Variants in ARAP1 observed in about 807,000 individuals in gnomAD.
ARAP1 encodes the protein ArfGAP with RhoGAP domain, ankyrin repeat and PH domain 1.
In ARAP1, 76 loss-of-function variants were observed where a neutral mutation model predicts 172.2. The observed-to-expected ratio is 0.44, with a 90% confidence interval of 0.37 to 0.53. The LOEUF is 0.53. Ranked by LOEUF, ARAP1 falls within the 20% of genes least tolerant of loss-of-function variation. ARAP1 has a pLI of 0.00. For synonymous variants in ARAP1, 804 were observed against 803.3 expected, an observed-to-expected ratio of 1.00 and a Z score of -0.01; for missense variants, 1,686 against 1,977.5, an observed-to-expected ratio of 0.85 and a Z score of 2.80.
rs59700555 is a variant in ARAP1, at chr11:72,736,238, C to T, written c.-127-3641G>A. Among the ~76,000 whole-genome samples the T allele has an allele frequency of 7.2e-3, 973 of 135,144 alleles. 16 individuals carry two copies. The highest frequency in any genetic ancestry group is 0.026 in the African/African-American group (924 of 35,140). The allele number at this position is 135,144 out of a possible 152,430, so 88.7% of individuals were successfully genotyped here. On this transcript the variant is annotated intron_variant, in intron 1 of 34. Transcript: ENST00000393609. ...AGTTATTGCTTTTACATTTTAGTTA[C>T]CTTTTTTTTTTTTTTTTTGAGACAG...
chr11:72,718,475 T>C (rs954674138), intron 3 of ARAP1, among the ~76,000 whole-genome samples: 1 of 151,980 alleles, frequency 6.6e-6, no homozygotes, highest in African/African-American at 2.4e-5. Flanking sequence ...CATCCTCCTC[T>C]GCCCTCTCCC....
intron 1 of ARAP1, among the ~76,000 whole-genome samples, chr11:72,737,795 T>C (rs1466893397): frequency 6.6e-6 from 1 of 152,136 alleles, no homozygotes; most frequent in Non-Finnish European, 1.5e-5. Context: ...GGCTAATATT[T>C]GTACTTTTTG....
chr11:72,715,544 G>C (rs536553344), intron 3 of ARAP1, among the ~76,000 whole-genome samples: 3 of 151,676 alleles, frequency 2.0e-5, no homozygotes, highest in Middle Eastern at 3.2e-3. Context: ...TTCTCTGCCT[G>C]GGAATATCCA....
intron 1 of ARAP1, among the ~76,000 whole-genome samples, chr11:72,739,524 G>A (rs1858138794): frequency 6.6e-6 from 1 of 152,162 alleles, no homozygotes; most frequent in South Asian, 2.1e-4. Flanking sequence ...TCCCCACCCA[G>A]TATGCAAGGC....
intron 3 of ARAP1, among the ~76,000 whole-genome samples, chr11:72,716,537 T>C (rs913723773): frequency 6.6e-6 from 1 of 152,268 alleles, no homozygotes. Flanking sequence ...AGATTCTATA[T>C]CTGGTAGAGA....
chr11:72,690,142 A>T (rs1021100835), intron 30 of ARAP1, among the ~76,000 whole-genome samples: 10 of 152,160 alleles, frequency 6.6e-5, no homozygotes, highest in Non-Finnish European at 1.5e-4. Context: ...GTTTGGAAGA[A>T]GTCAGGCTGT....
chr11:72,686,300 C>A (rs1282270820), intron 33 of ARAP1, 109 bp from the exon 34 acceptor site: 1 of 1,398,900 alleles, frequency 7.1e-7, no homozygotes, highest in Non-Finnish European at 9.6e-7. Context: ...TCTGAGATGA[C>A]ACCCTCAGCT....
intron 1 of ARAP1, among the ~76,000 whole-genome samples, chr11:72,737,286 C>G (rs575655996): frequency 2.6e-4 from 39 of 152,190 alleles, no homozygotes; most frequent in Admixed American, 2.6e-4. Flanking sequence ...AGGTAAGGGT[C>G]GCCTGGAATC....
chr11:72,714,114 A>G (rs1032517508), intron 4 of ARAP1, 38 bp downstream of exon 4: 14 of 1,421,008 alleles, frequency 9.9e-6, no homozygotes, highest in Non-Finnish European at 1.1e-5. Context: ...ATCCCAGGCC[A>G]TCCACCCAGA....
chr11:72,686,107 G>T lies in ARAP1; in HGVS notation c.4270C>A (p.Pro1424Thr). ...EVRLGSVSLI[P>T]LRGSENEMRR... ...ATTTCATTTTCACTACCTCGAAGGG[G>T]GATCAGTGACACACTACCCAGCCGG... The change falls in exon 34 of 35, where the codon CCC becomes ACC. Residue 1424 changes from proline (P) to threonine (T), a missense_variant. Physicochemically the swap from Pro to Thr is conservative, Grantham distance 38. This residue lies in a region of ARAP1 where 379 missense variants were observed against 500.1 expected (regional missense o/e 0.76). Transcript: ENST00000393609. 6.2e-7 allele frequency: 1 copy of T among 1,614,064 alleles called. No individual in the cohort carries two copies. Among genetic ancestry groups the T allele is most frequent in the Non-Finnish European group, 8.5e-7 (1 of 1,180,026 alleles).
intron 3 of ARAP1, among the ~76,000 whole-genome samples, chr11:72,724,434 C>T (rs1393356384): frequency 6.6e-6 from 1 of 152,148 alleles, no homozygotes; most frequent in East Asian, 1.9e-4. Context: ...TGTGATGGGA[C>T]TCCCACAAGG....
Position 72,686,045 on chromosome 11 carries a change from C to T in ARAP1, c.4332G>A (p.Leu1444=), listed in dbSNP as rs533911432. The T allele has an allele frequency of 3.7e-6, 6 of 1,614,068 alleles. No homozygotes were observed. In the African/African-American group the frequency reaches 8.0e-5, roughly 22 times the overall value. Residue 1444 remains leucine, a synonymous_variant, in exon 34 of 35, where the codon CTG becomes CTA. Transcript: ENST00000393609. Reference sequence around the variant, plus strand: ...AAAGGCATGGAGAGCCACTCACAGACAGAGGGTCCGCGGTGAAGGCAGCCA... The same window carrying T: ...AAAGGCATGGAGAGCCACTCACAGATAGAGGGTCCGCGGTGAAGGCAGCCA... ...RSVAAFTADP[L]SLLRNV is the part of the protein sequence containing the mutation.
chr11:72,688,784 C>T (rs956798286), intron 30 of ARAP1: 8 of 460,914 alleles, frequency 1.7e-5, no homozygotes, highest in Admixed American at 1.5e-4. Flanking sequence ...CCTCAGTCTC[C>T]GAGGCAGCCG....
rs1413322066 is a variant in ARAP1 at position 72,687,459 on chromosome 11, C to T, written c.4165G>A (p.Ala1389Thr). 8 of 1,614,044 alleles carry T rather than the reference C, an allele frequency of 5.0e-6. No individual in the cohort carries two copies. Among genetic ancestry groups the T allele is most frequent in the Non-Finnish European group, 6.8e-6 (8 of 1,180,032 alleles). The change falls in exon 33 of 35, where the codon GCT (alanine) becomes ACT (threonine). Residue 1389 changes from alanine to threonine, a missense_variant. Physicochemically the swap from Ala to Thr is moderately conservative, Grantham distance 58. Around this residue, in one of 5 missense-constraint regions of ARAP1, gnomAD observed 379 missense variants for 500.1 expected, o/e 0.76. Transcript: ENST00000393609. ...GGTACCTGCACAAACAGAAAGGTAG[C>T]GAACCACTCCCGGAGCTCCATCTGT... ...DTQMELREWF[A>T]TFLFVQHDGL...
intron 31 of ARAP1, among the ~76,000 whole-genome samples, chr11:72,687,971 G>C (rs1855762813): frequency 6.6e-6 from 1 of 150,868 alleles, no homozygotes; most frequent in Non-Finnish European, 1.5e-5. Flanking sequence ...CAGTAGGAAT[G>C]GGGTGACACC....
intron 1 of ARAP1, among the ~76,000 whole-genome samples, 155 bp downstream of exon 1, chr11:72,752,173 A>AC (rs531123724): frequency 4.0e-5 from 6 of 151,768 alleles, no homozygotes; most frequent in East Asian, 1.9e-4. Context: ...TCAAGAGGCG[A>AC]CCCCCCCATC....
Position 72,699,616 on chromosome 11 carries a change from A to G in ARAP1, c.2303-64T>C. 1.3e-6 allele frequency: 2 copies of G among 1,558,530 alleles called. No homozygotes were observed. The highest frequency in any genetic ancestry group is 2.4e-5 in the East Asian group (1 of 41,896). On this transcript the variant is annotated intron_variant, in intron 16 of 34. Coordinates refer to ENST00000393609, the MANE Select transcript of ARAP1 (RefSeq NM_001040118.3). The surrounding 1 kb of genome is among the most constrained non-coding windows in gnomAD (Gnocchi z 4.2). ...CCCACCACCTGAAAACCACCTCTGC[A>G]TCCTCCCGGGGCTCCTGCTCCCATC...
chr11:72,736,661 C>A (rs759019317), intron 1 of ARAP1, among the ~76,000 whole-genome samples: 32 of 152,064 alleles, frequency 2.1e-4, no homozygotes, highest in Admixed American at 8.5e-4. Flanking sequence ...CACCCCCACA[C>A]CCCCATCCTG....
At chr11:72,724,411 T>G (rs781087937) in intron 3 of ARAP1, among the ~76,000 whole-genome samples, 1 of 152,060 alleles carries the variant, frequency 6.6e-6, no homozygotes, top group Non-Finnish European at 1.5e-5. Flanking sequence ...AGGAAGGCCA[T>G]GTCATGAGAC....
Sources: gnomAD v4.1 joint callset for allele counts (sites outside exome capture counted in the v4.1 genomes callset) on GRCh38, gnomAD v4.1.1 for gene constraint, gnomAD v4.1.1 regional missense constraint, Gnocchi (gnomAD v3.1) non-coding constraint, MANE v1.5 for transcripts, NCBI Gene and HGNC (gene_info 2026-07-23, HGNC 2026-07-21) for gene names.